GCN1: variants seen among roughly 807,000 people sequenced by gnomAD.
GCN1 encodes the protein GCN1 activator of EIF2AK4, also known as stalled ribosome sensor GCN1.
GCN1 carries 90 observed loss-of-function variants against 288.4 expected under a neutral mutation model. The observed-to-expected ratio is 0.31, with a 90% CI of 0.26 to 0.37. The LOEUF (loss-of-function observed/expected upper bound fraction) is 0.37, where lower values mean the gene tolerates loss of function less well. Ranked by LOEUF, GCN1 falls within the 10% of genes least tolerant of loss-of-function variation. The pLI is 1.00. For synonymous variants in GCN1, 1,386 were observed against 1,420.2 expected (o/e 0.98, Z 0.54); for missense variants, 2,586 against 3,419.9 (o/e 0.76, Z 6.08).
rs975966935 is a variant in GCN1, at chr12:120,194,656, T to C, written c.18+24A>G. ...GTCCGCACCCAGTCCCTGGCCGCGT[T>C]GGCCCCGCAGCCGCCCGCCTCACCT... On this transcript the variant is annotated intron_variant, in intron 1 of 57. Coordinates refer to ENST00000300648, the MANE Select transcript of GCN1 (RefSeq NM_006836.2). 32 of 1,514,118 alleles carry C rather than the reference T, an allele frequency of 2.1e-5. No individual in the cohort carries two copies. In the Admixed American group the frequency reaches 2.6e-4, roughly 12 times the overall value. The allele number at this position is 1,514,118 out of a possible 1,614,324, so 93.8% of individuals were successfully genotyped here.
intron 47 of GCN1, 84 bp downstream of exon 47, chr12:120,138,239 A>G: frequency 1.0e-6 from 1 of 990,274 alleles, no homozygotes; most frequent in Non-Finnish European, 1.6e-6. Context: ...TCCAACATCT[A>G]CGTTCAGAAC....
At chr12:120,164,865 G>GTT (rs1179691643) in intron 16 of GCN1, 144 bp from the exon 17 acceptor site, 576 of 370,906 alleles carry the variant, frequency 1.6e-3, no homozygotes, top group East Asian at 1.9e-3. Context: ...ATTACAGCTT[G>GTT]TTTTTTTTTT....
intron 20 of GCN1, 87 bp from the exon 21 acceptor site, chr12:120,162,145 C>T (rs1005689182): frequency 2.0e-5 from 22 of 1,097,128 alleles, no homozygotes; most frequent in African/African-American, 1.7e-4. Flanking sequence ...CTAGCACTGG[C>T]TCCCCTTCTT....
At chr12:120,146,442 T>C (rs1877365537) in intron 38 of GCN1, among the ~76,000 whole-genome samples, 1 of 152,064 alleles carries the variant, frequency 6.6e-6, no homozygotes, top group African/African-American at 2.4e-5. Context: ...CACGGCTCAC[T>C]GTATCCTCAA....
Position 120,158,169 on chromosome 12 carries a change from GAC to G in GCN1, c.2906-141_2906-140del. The G allele has an allele frequency of 1.3e-6, 1 of 779,576 alleles. No individual in the cohort carries two copies. The highest frequency in any genetic ancestry group is 2.7e-5 in the East Asian group (1 of 37,526). 48.3% of individuals were successfully genotyped at this position (779,576 alleles called of 1,614,324 possible). ...GACACCTGGAAGCACATGGCACGAGGACAGAGACAGCAGCTGGTAGTCCAGTT... is the reference window on the plus strand; with the variant it reads ...GACACCTGGAAGCACATGGCACGAGGAGAGACAGCAGCTGGTAGTCCAGTT... On this transcript the variant is annotated intron_variant, in intron 25 of 57. Coordinates refer to ENST00000300648, the MANE Select transcript of GCN1 (RefSeq NM_006836.2). The surrounding 1 kb of genome is among the most constrained non-coding windows in gnomAD (Gnocchi z 4.3).
intron 16 of GCN1, 76 bp from the exon 17 acceptor site, chr12:120,164,797 A>C: frequency 2.4e-6 from 2 of 843,184 alleles, no homozygotes. Context: ...CCCAGAAATA[A>C]CTGGAATGAA....
At chr12:120,131,046 G>T in intron 55 of GCN1, 139 bp downstream of exon 55, 1 of 750,590 alleles carries the variant, frequency 1.3e-6, no homozygotes. Flanking sequence ...CTGGTCCAAG[G>T]GCACAGCAAG....
In GCN1 at chr12:120,136,615, G is replaced by C. The variant is rs1877011503; in HGVS notation, c.6895C>G (p.Leu2299Val). The change falls in exon 51 of 58, where the codon CTG becomes GTG. Residue 2299 changes from leucine to valine, a missense_variant. By Grantham distance (32) the Leu-to-Val change is conservative. Transcript: ENST00000300648. ...LVIRLTSADA[L>V]RPSVVSITGP... ...GTGATGCTGACCACGGAGGGCCTCA[G>C]GGCGTCAGCCGAGGTCAGGCGGATT... 1 of 1,614,044 alleles carries C rather than the reference G, an allele frequency of 6.2e-7. No homozygotes were observed. Among genetic ancestry groups the C allele is most frequent in the Admixed American group, 1.7e-5 (1 of 60,016 alleles).
chr12:120,130,204 C>T (rs772386726), intron 56 of GCN1, among the ~76,000 whole-genome samples: 37 of 152,174 alleles, frequency 2.4e-4, no homozygotes, highest in East Asian at 7.7e-4. Context: ...CCATATCACA[C>T]GGGCCACAGG....
intron 35 of GCN1, 64 bp from the exon 36 acceptor site, chr12:120,149,784 C>T: frequency 2.1e-5 from 33 of 1,535,978 alleles, no homozygotes; most frequent in Non-Finnish European, 3.0e-5. Flanking sequence ...GGCCTGACAC[C>T]AGTCCTAGCG....
intron 51 of GCN1, among the ~76,000 whole-genome samples, 171 bp downstream of exon 51, chr12:120,136,331 G>A (rs1027869984): frequency 6.6e-6 from 1 of 152,180 alleles, no homozygotes; most frequent in Non-Finnish European, 1.5e-5. Context: ...TAGTAAGGAC[G>A]ACTTGGAATT....
At position 120,142,782 on chromosome 12, in the gene GCN1, A is replaced by G. The variant is rs765610377; in HGVS notation, c.5613+42T>C. The G allele has an allele frequency of 6.3e-7, 1 of 1,592,606 alleles. No homozygotes were observed. On this transcript the variant is annotated intron_variant, in intron 43 of 57. Coordinates refer to ENST00000300648, the MANE Select transcript of GCN1 (RefSeq NM_006836.2). This position sits in a 1 kb window ranked among gnomAD's most constrained non-coding sequence, Gnocchi z 4.9. ...GCCTCTATGGCATGGGCATCAGGGCACACCCTACCATCAGCAGGGGCAGGA... is the reference window on the plus strand; with the variant it reads ...GCCTCTATGGCATGGGCATCAGGGCGCACCCTACCATCAGCAGGGGCAGGA...
At chr12:120,168,379 G>T in intron 15 of GCN1, 79 bp from the exon 16 acceptor site, 1 of 888,340 alleles carries the variant, frequency 1.1e-6, no homozygotes, top group Non-Finnish European at 1.9e-6. Flanking sequence ...TGAAGCTGCT[G>T]GGGTGGGCTT....
intron 24 of GCN1, among the ~76,000 whole-genome samples, chr12:120,159,065 C>G (rs1443737569): frequency 6.6e-6 from 1 of 151,988 alleles, no homozygotes; most frequent in African/African-American, 2.4e-5. Flanking sequence ...AGCCTAATTT[C>G]TCACTTGATC....
rs371792886 is a variant in GCN1, at chr12:120,137,925, C to T, written c.6369G>A (p.Lys2123=). Residue 2123 remains lysine (K), a synonymous_variant, in exon 48 of 58, where the codon AAG becomes AAA. Transcript: ENST00000300648. The surrounding 1 kb of genome is among the most constrained non-coding windows in gnomAD (Gnocchi z 5.2). ...LPAVMLALKE[K]LGTPDEQLEM... Reference sequence around the variant, plus strand: ...CCAGCTGCTCATCTGGGGTCCCAAGCTTTTCCTTCAGGGCCAGCATGACCG... The same window carrying T: ...CCAGCTGCTCATCTGGGGTCCCAAGTTTTTCCTTCAGGGCCAGCATGACCG... 1.5e-5 allele frequency: 24 copies of T among 1,614,170 alleles called. No homozygotes were observed. The African/African-American group carries it at 2.0e-4, about 13-fold the overall frequency.
At chr12:120,177,925 G>A (rs916797903) in intron 7 of GCN1, 173 bp from the exon 8 acceptor site, 1 of 618,888 alleles carries the variant, frequency 1.6e-6, no homozygotes, top group Non-Finnish European at 2.9e-6. Flanking sequence ...CCCTTCCACA[G>A]CTTTCCATGG....
At chr12:120,147,816 A>C (rs1373084891) in intron 37 of GCN1, among the ~76,000 whole-genome samples, 1 of 152,190 alleles carries the variant, frequency 6.6e-6, no homozygotes, top group Non-Finnish European at 1.5e-5. Flanking sequence ...AAAGAACCAC[A>C]TCCAGAGTAG....
At chr12:120,192,372 G>C (rs1466582844) in intron 1 of GCN1, among the ~76,000 whole-genome samples, 1 of 152,112 alleles carries the variant, frequency 6.6e-6, no homozygotes, top group Non-Finnish European at 1.5e-5. Flanking sequence ...TAAACTCCTT[G>C]CAAGTATGAA....
Position 120,190,378 on chromosome 12 carries a change from A to G in GCN1, c.41T>C (p.Phe14Ser). The G allele has an allele frequency of 6.2e-7, 1 of 1,606,634 alleles. No individual in the cohort carries two copies. The highest frequency in any genetic ancestry group is 8.5e-7 in the Non-Finnish European group (1 of 1,173,224). Residue 14 changes from phenylalanine (F) to serine (S), a missense_variant, in exon 2 of 58, where the codon TTT (phenylalanine) becomes TCT (serine). By Grantham distance (155) the Phe-to-Ser change is radical. Around this residue, in one of 8 missense-constraint regions of GCN1, gnomAD observed 913 missense variants for 1,107.0 expected, o/e 0.82. Coordinates refer to ENST00000300648, the MANE Select transcript of GCN1 (RefSeq NM_006836.2). ...DTQVSETLKRFAGKVTTASVK... is the reference protein window; with the variant it reads ...DTQVSETLKRSAGKVTTASVK... ...ACTGGCTGTTGTCACCTTCCCTGCA[A>G]AACGCTTTAGTGTCTCGGAAACCTG... is the stretch of plus-strand genomic sequence containing the variant.
Sources: gnomAD v4.1 joint callset for allele counts (sites outside exome capture counted in the v4.1 genomes callset) on GRCh38, gnomAD v4.1.1 for gene constraint, gnomAD v4.1.1 regional missense constraint, Gnocchi (gnomAD v3.1) non-coding constraint, MANE v1.5 for transcripts, NCBI Gene and HGNC (gene_info 2026-07-23, HGNC 2026-07-21) for gene names.